SERGEF: variants seen among roughly 807,000 people sequenced by gnomAD.
SERGEF encodes the protein secretion regulating guanine nucleotide exchange factor, also known as secretion-regulating guanine nucleotide exchange factor.
In SERGEF, 51 loss-of-function variants were observed where a neutral mutation model predicts 50.0. The ratio of observed to expected loss-of-function variants is 1.02; its 90% CI spans 0.81 to 1.29. The LOEUF is 1.29. Ranked by LOEUF, SERGEF falls within the 50% of genes most tolerant of loss-of-function variation. The pLI, the probability that SERGEF is intolerant of heterozygous loss-of-function variation, is 0.00. For synonymous variants in SERGEF, 205 were observed against 212.4 expected, an observed-to-expected ratio of 0.97 and a Z score of 0.30; for missense variants, 521 against 557.0, an observed-to-expected ratio of 0.94 and a Z score of 0.65.
chr11:17,965,621 G>A (rs1853103995), intron 8 of SERGEF, among the ~76,000 whole-genome samples: 1 of 152,150 alleles, frequency 6.6e-6, no homozygotes, highest in African/African-American at 2.4e-5. Context: ...TTTAATTAAT[G>A]TGTGCCTCCT....
rs1854083025 is a variant in SERGEF at position 18,006,749 on chromosome 11, G to T, written c.197-3C>A. The T allele has an allele frequency of 1.2e-6, 2 of 1,613,750 alleles. No homozygotes were observed. Among genetic ancestry groups the T allele is most frequent in the African/African-American group, 1.3e-5 (1 of 74,890 alleles). On this transcript the variant is annotated splice_polypyrimidine_tract_variant and splice_region_variant and intron_variant, in intron 2 of 10. Transcript: ENST00000265965. Reference sequence around the variant, plus strand: ...ACAAACAAAGAGGTCTCCTCCATCTGCAAAATATAAAGGCATCAGTGATAG... The same window carrying T: ...ACAAACAAAGAGGTCTCCTCCATCTTCAAAATATAAAGGCATCAGTGATAG...
chr11:17,788,397 AG>A lies in SERGEF; in HGVS notation c.1064del (p.Ser355PhefsTer?). On this transcript the variant is annotated frameshift_variant, in exon 11 of 11. Transcript: ENST00000265965. LOFTEE classifies it low-confidence loss of function (END_TRUNC). ...ACATGCCATGCTCATTCCAGCCCCA[AG>A]AGTAACACACTCCACCTGTGAAGGA... ...NLAIIGGVCY[S>X]WGWNEHGMCG... is the part of the protein sequence containing the mutation. 1 of 1,607,690 alleles carries A rather than the reference AG, an allele frequency of 6.2e-7. No homozygotes were observed. The highest frequency in any genetic ancestry group is 8.5e-7 in the Non-Finnish European group (1 of 1,175,044).
intron 10 of SERGEF, among the ~76,000 whole-genome samples, chr11:17,807,990 T>C (rs532986981): frequency 6.6e-6 from 1 of 152,336 alleles, no homozygotes; most frequent in Non-Finnish European, 1.5e-5. Flanking sequence ...TTGATAGCCC[T>C]GCTGACCCCC....
At chr11:18,008,130 T>C (rs1854122753) in intron 1 of SERGEF, 54 bp from the exon 2 acceptor site, 1 of 1,552,786 alleles carries the variant, frequency 6.4e-7, no homozygotes. Context: ...ACTGTCAATG[T>C]CTATTTACCT....
At chr11:17,859,221 A>T (rs1454894552) in intron 10 of SERGEF, among the ~76,000 whole-genome samples, 1 of 152,206 alleles carries the variant, frequency 6.6e-6, no homozygotes, top group Non-Finnish European at 1.5e-5. Context: ...ATTTGTTTAA[A>T]CTCTATAATT....
intron 9 of SERGEF, among the ~76,000 whole-genome samples, chr11:17,892,816 G>A (rs1851557678): frequency 6.6e-6 from 1 of 152,192 alleles, no homozygotes; most frequent in South Asian, 2.1e-4. Context: ...TCTCTGGGAG[G>A]TGGAGGTTGC....
chr11:17,995,834 G>A lies in SERGEF; in HGVS notation c.584C>T (p.Pro195Leu), dbSNP rs1853826608. The A allele has an allele frequency of 8.7e-6, 14 of 1,613,808 alleles. No homozygotes were observed. The highest frequency in any genetic ancestry group is 1.2e-5 in the Non-Finnish European group (14 of 1,179,912). The change falls in exon 6 of 11, where the codon CCA becomes CTA. Residue 195 changes from proline (P) to leucine (L), a missense_variant. By Grantham distance (98) the Pro-to-Leu change is moderately conservative. Coordinates refer to ENST00000265965, the MANE Select transcript of SERGEF (RefSeq NM_012139.4). ...GRRLCPGQTL[P>L]LFFTAKEPSR... The stretch of plus-strand genomic sequence containing the variant: ...TGGTTCCTTTGCTGTGAAAAACAAT[G>A]GAAGAGTCTGCCCAGGGCACAACCG...
At chr11:17,926,081 A>C (rs904641257) in intron 9 of SERGEF, among the ~76,000 whole-genome samples, 2 of 152,184 alleles carry the variant, frequency 1.3e-5, no homozygotes, top group Non-Finnish European at 2.9e-5. Context: ...TAATGTTATT[A>C]CCAATATTCC....
rs76351279 is a variant in SERGEF at position 17,788,510 on chromosome 11, C to T, written c.1049-97G>A. 3,597 of 1,056,844 alleles carry T rather than the reference C, an allele frequency of 3.4e-3. 83 individuals are homozygous for T. The African/African-American group carries it at 0.049, about 14-fold the overall frequency. 65.5% of individuals were successfully genotyped at this position (1,056,844 alleles called of 1,614,324 possible). On this transcript the variant is annotated intron_variant, in intron 10 of 10. Coordinates refer to ENST00000265965, the MANE Select transcript of SERGEF (RefSeq NM_012139.4). ...ACAGGTATCATCATAAACCCCAGTT[C>T]ACTCAGGAAGACGCCAAAGCTTAAG... is the stretch of plus-strand genomic sequence containing the variant.
chr11:17,880,310 T>C (rs1274644556), intron 9 of SERGEF, among the ~76,000 whole-genome samples: 2 of 152,194 alleles, frequency 1.3e-5, no homozygotes, highest in Admixed American at 1.3e-4. Context: ...ATATGCTTCC[T>C]GGCTGTAATG....
In SERGEF at chr11:17,878,212, T is replaced by A. The variant is rs2133898238; in HGVS notation, c.1044A>T (p.Ile348=). 1 of 1,583,722 alleles carries A rather than the reference T, an allele frequency of 6.3e-7. No homozygotes were observed. The highest frequency in any genetic ancestry group is 8.6e-7 in the Non-Finnish European group (1 of 1,158,528). ...ATCAGTATAAAAATTACTTACCAAT[T>A]ATTGCCAAATTATGCTCTGAGCCAC... ...VSCGSEHNLA[I]IGGVCYSWGW... Residue 348 remains isoleucine, a synonymous_variant, in exon 10 of 11, where the codon ATA becomes ATT. Coordinates refer to ENST00000265965, the MANE Select transcript of SERGEF (RefSeq NM_012139.4).
chr11:17,979,187 C>A (rs1358596094), intron 8 of SERGEF, among the ~76,000 whole-genome samples: 1 of 152,130 alleles, frequency 6.6e-6, no homozygotes, highest in East Asian at 1.9e-4. Flanking sequence ...TGGGTACCTG[C>A]AAACCAAAAA....
chr11:17,880,905 G>C (rs558985398), intron 9 of SERGEF, among the ~76,000 whole-genome samples: 9 of 152,124 alleles, frequency 5.9e-5, no homozygotes, highest in Non-Finnish European at 1.0e-4. Flanking sequence ...TGGTGGCTAG[G>C]GCAACAGTAA....
At chr11:17,933,844 T>C (rs1038081529) in intron 9 of SERGEF, among the ~76,000 whole-genome samples, 1 of 152,162 alleles carries the variant, frequency 6.6e-6, no homozygotes, top group African/African-American at 2.4e-5. Flanking sequence ...TTTGGAAAAT[T>C]TGAGTTTGCA....
At chr11:17,882,698 C>G (rs1851357586) in intron 9 of SERGEF, among the ~76,000 whole-genome samples, 1 of 152,114 alleles carries the variant, frequency 6.6e-6, no homozygotes, top group Non-Finnish European at 1.5e-5. Context: ...AGAGAAGGGA[C>G]TCAGGGAAGG....
intron 10 of SERGEF, among the ~76,000 whole-genome samples, chr11:17,825,259 T>G (rs1373018884): frequency 6.6e-6 from 1 of 152,190 alleles, no homozygotes; most frequent in Non-Finnish European, 1.5e-5. Flanking sequence ...GCTCATCTCC[T>G]TTGAAAGGGT....
Position 17,850,201 on chromosome 11 carries a change from C to T in SERGEF, c.1048+28007G>A, listed in dbSNP as rs1485263224. Among the ~76,000 whole-genome samples the T allele has an allele frequency of 2.6e-5, 4 of 152,176 alleles. No homozygotes were observed. In the East Asian group the frequency reaches 7.7e-4, roughly 29 times the overall value. ...AATCCATTCATAAGGGTTGATCCCC[C>T]ATGACCCAATCAGCTTCCAAAGGCC... On this transcript the variant is annotated intron_variant, in intron 10 of 10. Coordinates refer to ENST00000265965, the MANE Select transcript of SERGEF (RefSeq NM_012139.4).
intron 10 of SERGEF, among the ~76,000 whole-genome samples, chr11:17,792,264 C>G (rs1192302513): frequency 2.6e-5 from 4 of 152,216 alleles, no homozygotes; most frequent in African/African-American, 9.7e-5. Context: ...GAACCCCAGG[C>G]CACATCTCCT....
At chr11:17,883,862 G>A (rs1293255770) in intron 9 of SERGEF, among the ~76,000 whole-genome samples, 1 of 152,188 alleles carries the variant, frequency 6.6e-6, no homozygotes, top group African/African-American at 2.4e-5. Flanking sequence ...TGGCAACAAA[G>A]TTCTGTCGCC....
Sources: gnomAD v4.1 joint callset for allele counts (sites outside exome capture counted in the v4.1 genomes callset) on GRCh38, gnomAD v4.1.1 for gene constraint, MANE v1.5 for transcripts, NCBI Gene and HGNC (gene_info 2026-07-23, HGNC 2026-07-21) for gene names.